Variants in DPP6 observed in about 807,000 individuals in gnomAD.
DPP6 encodes the protein A-type potassium channel modulatory protein DPP6.
A neutral mutation model predicts 122.6 loss-of-function variants in DPP6; 69 were observed. The observed-to-expected ratio is 0.56, with a 90% CI of 0.46 to 0.69. The LOEUF (loss-of-function observed/expected upper bound fraction) is 0.69, where lower values mean the gene tolerates loss of function less well. DPP6 is among the 30% of genes least tolerant of loss of function. The pLI is 0.00. For missense variants in DPP6, 928 were observed against 1,116.9 expected, an observed-to-expected ratio of 0.83 and a Z score of 2.41; for synonymous variants, 418 against 433.1, an observed-to-expected ratio of 0.97 and a Z score of 0.43.
At chr7:154,856,796 C>T (rs1420855097) in intron 17 of DPP6, among the ~76,000 whole-genome samples, 1 of 152,188 alleles carries the variant, frequency 6.6e-6, no homozygotes, top group Non-Finnish European at 1.5e-5. Context: ...ACTTTGGTGA[C>T]TGTGACTCCC....
intron 1 of DPP6, among the ~76,000 whole-genome samples, chr7:154,007,140 G>A (rs1797946741): frequency 6.6e-6 from 1 of 152,202 alleles, no homozygotes; most frequent in Non-Finnish European, 1.5e-5. Flanking sequence ...GTGCCCCAGT[G>A]TTGGGATAGG....
At chr7:154,513,238 C>T (rs1826221373) in intron 3 of DPP6, among the ~76,000 whole-genome samples, 1 of 152,092 alleles carries the variant, frequency 6.6e-6, no homozygotes, top group African/African-American at 2.4e-5. Context: ...TTTAGTCAAC[C>T]TGAAACCACT....
chr7:154,114,042 G>A (rs1182686643), intron 1 of DPP6, among the ~76,000 whole-genome samples: 2 of 151,868 alleles, frequency 1.3e-5, no homozygotes, highest in Admixed American at 6.6e-5. Flanking sequence ...TTCTATTTGC[G>A]GATGACATGA....
At chr7:153,792,553 A>G in the DPP6 span, among the ~76,000 whole-genome samples, 1 of 152,204 alleles carries the variant, frequency 6.6e-6, no homozygotes, top group East Asian at 1.9e-4. Context: ...GGCTACTCAA[A>G]TATACATTTC....
intron 1 of DPP6, among the ~76,000 whole-genome samples, chr7:153,924,037 A>T (rs1800772946): frequency 1.3e-5 from 2 of 152,168 alleles, no homozygotes; most frequent in Admixed American, 1.3e-4. Context: ...CTAGCTGGGT[A>T]ACCCTGAGCT....
intron 1 of DPP6, among the ~76,000 whole-genome samples, chr7:154,351,637 T>C (rs1810866829): frequency 6.6e-6 from 1 of 152,172 alleles, no homozygotes; most frequent in South Asian, 2.1e-4. Context: ...GAGCCTGGAA[T>C]GTGCTGTCAG....
At chr7:154,047,150 C>T (rs1171533313) in intron 1 of DPP6, among the ~76,000 whole-genome samples, 1 of 151,522 alleles carries the variant, frequency 6.6e-6, no homozygotes, top group Non-Finnish European at 1.5e-5. Context: ...TTCCCTGTGG[C>T]TCACAGTCAG....
intron 1 of DPP6, among the ~76,000 whole-genome samples, chr7:154,134,818 G>A (rs1323657599): frequency 6.6e-6 from 1 of 151,920 alleles, no homozygotes; most frequent in Non-Finnish European, 1.5e-5. Context: ...CTTCCTATAA[G>A]TGTATACATC....
chr7:154,441,300 G>A (rs534081410), intron 1 of DPP6, among the ~76,000 whole-genome samples: 2 of 152,274 alleles, frequency 1.3e-5, no homozygotes, highest in African/African-American at 4.8e-5. Flanking sequence ...GCACTTTCGA[G>A]TTCTTTCTCT....
chr7:154,787,205 A>G (rs1054990889), intron 10 of DPP6, among the ~76,000 whole-genome samples: 9 of 152,234 alleles, frequency 5.9e-5, no homozygotes, highest in African/African-American at 1.9e-4. Flanking sequence ...GAAAATAATA[A>G]TCCCTTGTCA....
intron 1 of DPP6, among the ~76,000 whole-genome samples, chr7:153,986,652 T>C (rs1796863819): frequency 6.6e-6 from 1 of 152,238 alleles, no homozygotes; most frequent in Non-Finnish European, 1.5e-5. Flanking sequence ...CTGAAAGTTT[T>C]AGCAGGAATC....
chr7:153,749,959 G>A, the DPP6 span, among the ~76,000 whole-genome samples: 1 of 152,076 alleles, frequency 6.6e-6, no homozygotes, highest in Non-Finnish European at 1.5e-5. The surrounding 1 kb of genome is among the most constrained non-coding windows in gnomAD (Gnocchi z 4.1). Context: ...ACCTATTTTT[G>A]TGTGTACACT....
chr7:154,408,089 A>T (rs1269426762), intron 1 of DPP6, among the ~76,000 whole-genome samples: 1 of 152,232 alleles, frequency 6.6e-6, no homozygotes, highest in Non-Finnish European at 1.5e-5. Context: ...TAGTAGTAAT[A>T]GTAGGAAATT....
chr7:154,299,187 C>T (rs1419839542), intron 1 of DPP6, among the ~76,000 whole-genome samples: 1 of 152,224 alleles, frequency 6.6e-6, no homozygotes, highest in African/African-American at 2.4e-5. Context: ...TCTTCCCAGA[C>T]CCTTCCCCTC....
chr7:154,479,766 G>A (rs183206017), intron 3 of DPP6, among the ~76,000 whole-genome samples: 1 of 151,852 alleles, frequency 6.6e-6, no homozygotes, highest in Non-Finnish European at 1.5e-5. Flanking sequence ...TCCACTCTAG[G>A]GGCTGTGATG....
At chr7:154,381,866 C>A (rs1813640825) in intron 1 of DPP6, among the ~76,000 whole-genome samples, 1 of 152,058 alleles carries the variant, frequency 6.6e-6, no homozygotes, top group Admixed American at 6.5e-5. Flanking sequence ...CTGGGCCGGG[C>A]CCTTCAAAAA....
At chr7:153,994,359 G>C (rs1360229049) in intron 1 of DPP6, among the ~76,000 whole-genome samples, 2 of 151,898 alleles carry the variant, frequency 1.3e-5, no homozygotes, top group Admixed American at 1.3e-4. Context: ...TCAAGGAGTA[G>C]TGGAGTACGT....
At chr7:153,829,308 C>T in the DPP6 span, among the ~76,000 whole-genome samples, 6 of 152,060 alleles carry the variant, frequency 3.9e-5, no homozygotes, top group African/African-American at 1.4e-4. Flanking sequence ...CTCCACTTCC[C>T]GGGTTCAAGC....
At chr7:154,154,582 G>T (rs532092110) in intron 1 of DPP6, among the ~76,000 whole-genome samples, 1 of 152,324 alleles carries the variant, frequency 6.6e-6, no homozygotes, top group East Asian at 1.9e-4. Flanking sequence ...TTACCACATT[G>T]TTATTGAAGT....
Sources: gnomAD v4.1 joint callset for allele counts (sites outside exome capture counted in the v4.1 genomes callset) on GRCh38, gnomAD v4.1.1 for gene constraint, Gnocchi (gnomAD v3.1) non-coding constraint, MANE v1.5 for transcripts, NCBI Gene and HGNC (gene_info 2026-07-23, HGNC 2026-07-21) for gene names.